CCPG1: variants seen among roughly 807,000 people sequenced by gnomAD.
CCPG1 encodes the protein cell cycle progression protein 1.
CCPG1 carries 46 observed loss-of-function variants against 81.3 expected under a neutral mutation model. That is an observed-to-expected ratio of 0.57 (90% CI 0.45 to 0.72). CCPG1 has a LOEUF of 0.72. CCPG1 is among the 30% of genes least tolerant of loss of function. The pLI is 0.00. For missense variants in CCPG1, 902 were observed against 937.6 expected (o/e 0.96, Z 0.50); for synonymous variants, 330 against 305.2 (o/e 1.08, Z -0.85).
rs1555411244 is a variant in CCPG1 at position 55,407,044 on chromosome 15, C to CCCCCT, written c.-10+1176_-10+1177insAGGGG. On this transcript the variant is annotated intron_variant, in intron 1 of 8. Coordinates refer to ENST00000442196, the MANE Select transcript of CCPG1 (RefSeq NM_001204450.2). ...CCTGGCCGACACGTTGAGACCCCCC[C>CCCCCT]CCCCGCCCCGCCGTCTCTACTAAAA... Among the ~76,000 whole-genome samples, 68 of 135,610 alleles carry CCCCCT rather than the reference C, an allele frequency of 5.0e-4. 4 individuals are homozygous for CCCCCT. The highest frequency in any genetic ancestry group is 7.1e-4 in the Non-Finnish European group (46 of 64,798). The allele number at this position is 135,610 out of a possible 152,430, so 89.0% of individuals were successfully genotyped here. A position where few individuals can be genotyped will look rare whatever the true frequency, so the allele number is the denominator to read the frequency against.
intron 1 of CCPG1, among the ~76,000 whole-genome samples, chr15:55,401,898 G>A (rs145051793): frequency 1.6e-4 from 25 of 151,988 alleles, no homozygotes; most frequent in Admixed American, 1.3e-3. Flanking sequence ...AGCTTTCCTC[G>A]TCATATGGCT....
At chr15:55,358,333 G>C in intron 8 of CCPG1, 26 of 974,712 alleles carry the variant, frequency 2.7e-5, no homozygotes, top group Non-Finnish European at 3.2e-5. Context: ...TGGGGGTCTT[G>C]GAACATATAT....
At chr15:55,381,447 G>GA (rs1018106415) in intron 3 of CCPG1, among the ~76,000 whole-genome samples, 7 of 151,410 alleles carry the variant, frequency 4.6e-5, no homozygotes, top group African/African-American at 1.5e-4. Context: ...TAAAGAAAAA[G>GA]AAAAAAAAGA....
chr15:55,385,778 C>A, intron 2 of CCPG1, 64 bp from the exon 3 acceptor site: 1 of 803,230 alleles, frequency 1.2e-6, no homozygotes, highest in Admixed American at 2.0e-5. Flanking sequence ...GATTTGACTA[C>A]ATGTAAATGC....
Position 55,359,535 on chromosome 15 carries a change from C to T in CCPG1, c.2234+4G>A, listed in dbSNP as rs376266856. ...TGTAATGACACGGTTTTATGTAAAC[C>T]GACCTGGGTCCATATGGAGGGGAAA... On this transcript the variant is annotated splice_donor_region_variant and intron_variant, in intron 8 of 8. Transcript: ENST00000442196. 1.3e-5 allele frequency: 21 copies of T among 1,588,228 alleles called. No homozygotes were observed. Among genetic ancestry groups the T allele is most frequent in the African/African-American group, 1.2e-4 (9 of 73,714 alleles).
At chr15:55,387,544 A>G (rs555368170) in intron 2 of CCPG1, among the ~76,000 whole-genome samples, 1 of 151,958 alleles carries the variant, frequency 6.6e-6, no homozygotes, top group East Asian at 1.9e-4. Flanking sequence ...AAAATTTTTT[A>G]ATTTTTTTTT....
At chr15:55,356,672 A>T in intron 8 of CCPG1, 1 of 1,163,782 alleles carries the variant, frequency 8.6e-7, no homozygotes, top group East Asian at 4.3e-5. Context: ...GAAATGTGAC[A>T]ATAAAATAAT....
At chr15:55,372,133 T>C in intron 5 of CCPG1, 89 bp from the exon 6 acceptor site, 1 of 1,239,530 alleles carries the variant, frequency 8.1e-7, no homozygotes, top group Non-Finnish European at 1.1e-6. Flanking sequence ...ATGCCATCCC[T>C]TACATGCCTT....
At position 55,372,052 on chromosome 15, in the gene CCPG1, G is replaced by A; in HGVS notation, c.455-8C>T. ...TAGGCTGAGATGAAAATACTATTAA[G>A]AAAAAAGTTGACATTTAGCTATTCA... On this transcript the variant is annotated splice_region_variant and splice_polypyrimidine_tract_variant and intron_variant, in intron 5 of 8. Transcript: ENST00000442196. The A allele has an allele frequency of 6.2e-7, 1 of 1,604,264 alleles. No homozygotes were observed. The highest frequency in any genetic ancestry group is 1.1e-5 in the South Asian group (1 of 89,460).
intron 3 of CCPG1, among the ~76,000 whole-genome samples, chr15:55,382,664 CA>C (rs2056724626): frequency 6.6e-6 from 1 of 152,112 alleles, no homozygotes; most frequent in South Asian, 2.1e-4. Flanking sequence ...CGCCTGCCAC[CA>C]CGCCCAGCTA....
chr15:55,373,955 T>C (rs2056505702), intron 5 of CCPG1, among the ~76,000 whole-genome samples: 1 of 152,238 alleles, frequency 6.6e-6, no homozygotes, highest in Non-Finnish European at 1.5e-5. Context: ...TTAACTTCTT[T>C]TAAAAAAGCT....
intron 3 of CCPG1, among the ~76,000 whole-genome samples, chr15:55,379,147 T>C (rs1159582220): frequency 2.2e-5 from 3 of 139,052 alleles, no homozygotes; most frequent in South Asian, 2.2e-4. Flanking sequence ...TATGAAAGTA[T>C]GTATGTATAT....
intron 5 of CCPG1, among the ~76,000 whole-genome samples, chr15:55,373,305 G>A (rs1378772483): frequency 1.3e-5 from 2 of 152,124 alleles, no homozygotes; most frequent in Non-Finnish European, 2.9e-5. Flanking sequence ...GATAAAATAT[G>A]AACTCGAATA....
At chr15:55,375,701 T>C (rs1200281857) in intron 5 of CCPG1, among the ~76,000 whole-genome samples, 5 of 151,844 alleles carry the variant, frequency 3.3e-5, no homozygotes, top group Non-Finnish European at 7.4e-5. Flanking sequence ...TTTTTTTTTT[T>C]TTTTGAGACA....
chr15:55,371,776 C>G lies in CCPG1; in HGVS notation c.706+17G>C, dbSNP rs2056454940. Reference sequence around the variant, plus strand: ...CTATCCCATCAGGTTATGTATAACACATTTTTGAGTACTTACCATAGAAAT... The same window carrying G: ...CTATCCCATCAGGTTATGTATAACAGATTTTTGAGTACTTACCATAGAAAT... On this transcript the variant is annotated intron_variant, in intron 6 of 8. Transcript: ENST00000442196. 6.2e-7 allele frequency: 1 copy of G among 1,610,362 alleles called. No individual in the cohort carries two copies. The highest frequency in any genetic ancestry group is 1.1e-5 in the South Asian group (1 of 90,892).
intron 6 of CCPG1, among the ~76,000 whole-genome samples, chr15:55,366,436 G>C (rs1286449623): frequency 6.6e-6 from 1 of 152,030 alleles, no homozygotes; most frequent in Non-Finnish European, 1.5e-5. Context: ...TTCTGCAATG[G>C]TTAAATCTGT....
At position 55,359,685 on chromosome 15, in the gene CCPG1, G is replaced by A; in HGVS notation, c.2088C>T (p.Leu696=). The change falls in exon 8 of 9, where the codon CTC becomes CTT. Residue 696 remains leucine (L), a synonymous_variant. Coordinates refer to ENST00000442196, the MANE Select transcript of CCPG1 (RefSeq NM_001204450.2). ...TAACATCATTAACAAAGTCAGTGAA[G>A]AGCTTCTGATCATGTATAAAGACAC... is the stretch of plus-strand genomic sequence containing the variant. ...LNGVFIHDQK[L]FTDFVNDVKD... is the part of the protein sequence containing the mutation. 6.2e-7 allele frequency: 1 copy of A among 1,613,480 alleles called. No individual in the cohort carries two copies. The highest frequency in any genetic ancestry group is 1.1e-5 in the South Asian group (1 of 91,030).
chr15:55,362,214 A>C (rs17819090), intron 7 of CCPG1, among the ~76,000 whole-genome samples: 5,554 of 152,276 alleles, frequency 0.036, 104 homozygotes, highest in African/African-American at 0.05. Context: ...TCGAGTTAAA[A>C]ATATCCTATG....
Position 55,371,952 on chromosome 15 carries a change from T to C in CCPG1, c.547A>G (p.Lys183Glu). The change falls in exon 6 of 9, where the codon AAG becomes GAG. Residue 183 changes from lysine to glutamate, a missense_variant. Physicochemically the swap from Lys to Glu is moderately conservative, Grantham distance 56 (BLOSUM62 1). Transcript: ENST00000442196. Reference protein sequence around the residue: ...PAFRRRRARKKTVSASESEDR... With the variant: ...PAFRRRRARKETVSASESEDR... ...TCAGATTCTGAAGCAGAAACGGTCT[T>C]CTTCCTAGCACGGCGTCGTCTAAAG... The C allele has an allele frequency of 6.2e-7, 1 of 1,614,214 alleles. No homozygotes were observed. Among genetic ancestry groups the C allele is most frequent in the South Asian group, 1.1e-5 (1 of 91,086 alleles).
Sources: allele counts gnomAD v4.1 joint callset (sites outside exome capture counted in the v4.1 genomes callset), GRCh38; gene constraint gnomAD v4.1.1; transcripts MANE v1.5; gene names NCBI Gene and HGNC (gene_info 2026-07-23, HGNC 2026-07-21).